The following TBCD variants were observed in gnomAD, a reference collection of about 807,000 sequenced individuals.
The protein encoded by TBCD is tubulin folding cofactor D.
In TBCD, 105 loss-of-function variants were observed where a neutral mutation model predicts 169.3. The ratio of observed to expected loss-of-function variants is 0.62; its 90% CI spans 0.53 to 0.73. The LOEUF is 0.73. Ranked by LOEUF, TBCD falls within the 30% of genes least tolerant of loss-of-function variation. The pLI is 0.00. For missense variants in TBCD, 1,444 were observed against 1,600.1 expected, an observed-to-expected ratio of 0.90 and a Z score of 1.66; for synonymous variants, 700 against 643.9, an observed-to-expected ratio of 1.09 and a Z score of -1.32.
At position 82,847,356 on chromosome 17, in the gene TBCD, GAAAAAAAAAA is replaced by G. The variant is rs1041994030; in HGVS notation, c.1319-22854_1319-22845del. 6.6e-3 allele frequency among the ~76,000 whole-genome samples: 542 copies of G among 81,756 alleles called. 2 individuals are homozygous for G. The highest frequency in any genetic ancestry group is 0.013 in the Admixed American group (94 of 7,246). The allele number at this position is 81,756 out of a possible 152,430, so 53.6% of individuals were successfully genotyped here. A position where few individuals can be genotyped will look rare whatever the true frequency, so the allele number is the denominator to read the frequency against. On this transcript the variant is annotated intron_variant, in intron 13 of 38. Transcript: ENST00000355528. ...CAACAGAGCGAGACTCCATGTCAAA[GAAAAAAAAAA>G]AAAAAAAAAAAAAGAAACAACCCTG... is the stretch of plus-strand genomic sequence containing the variant.
chr17:82,787,950 A>G (rs1482258299), intron 7 of TBCD, among the ~76,000 whole-genome samples: 4 of 152,192 alleles, frequency 2.6e-5, no homozygotes, highest in African/African-American at 9.7e-5. Context: ...TAAAAATGGA[A>G]AATGGGCTGG....
intron 13 of TBCD, among the ~76,000 whole-genome samples, chr17:82,852,394 A>T (rs772883182): frequency 6.6e-6 from 1 of 152,036 alleles, no homozygotes; most frequent in Non-Finnish European, 1.5e-5. Flanking sequence ...GTCACCACAG[A>T]TGGGGGCTCA....
chr17:82,934,890 G>C (rs140106554), intron 34 of TBCD, among the ~76,000 whole-genome samples: 4 of 152,120 alleles, frequency 2.6e-5, no homozygotes, highest in Non-Finnish European at 5.9e-5. Context: ...CTTGAGCTCC[G>C]GAGTTTGAGA....
In TBCD at chr17:82,943,666, G is replaced by T. The variant is rs892033993; in HGVS notation, c.*1203G>T. The T allele has an allele frequency of 2.6e-5, 4 of 152,234 alleles. No homozygotes were observed. The highest frequency in any genetic ancestry group is 9.7e-5 in the African/African-American group (4 of 41,434). 9.4% of individuals were successfully genotyped at this position (152,234 alleles called of 1,614,324 possible). On this transcript the variant is annotated 3_prime_UTR_variant, in exon 39 of 39. Coordinates refer to ENST00000355528, the MANE Select transcript of TBCD (RefSeq NM_005993.5). Reference sequence around the variant, plus strand: ...GACAGTCCGTGCTGTGTGTTTAGCAGACAGCTCTTCACGGGATGTGTGTGA... The same window carrying T: ...GACAGTCCGTGCTGTGTGTTTAGCATACAGCTCTTCACGGGATGTGTGTGA...
chr17:82,900,061 A>G (rs978395134), intron 17 of TBCD, among the ~76,000 whole-genome samples: 4 of 152,216 alleles, frequency 2.6e-5, no homozygotes, highest in Non-Finnish European at 5.9e-5. Flanking sequence ...TTAGCTGTAT[A>G]TGGAGTGCAG....
intron 13 of TBCD, among the ~76,000 whole-genome samples, chr17:82,868,638 A>G (rs1404159142): frequency 6.6e-6 from 1 of 152,248 alleles, no homozygotes; most frequent in African/African-American, 2.4e-5. Flanking sequence ...ATTGCTGTTT[A>G]TAGAGAATAA....
In TBCD at chr17:82,832,802, C is replaced by CTACCCTTGG. The variant is rs1477986673; in HGVS notation, c.1318+17871_1318+17879dup. On this transcript the variant is annotated intron_variant, in intron 13 of 38. Coordinates refer to ENST00000355528, the MANE Select transcript of TBCD (RefSeq NM_005993.5). This position sits in a 1 kb window ranked among gnomAD's most constrained non-coding sequence, Gnocchi z 4.9. ...TGCCGGTCACAGAAGCAGCCCTGCC[C>CTACCCTTGG]TACCCTTGGTAACCTGGCTGCTGAC... is the stretch of plus-strand genomic sequence containing the variant. Among the ~76,000 whole-genome samples, 4 of 152,348 alleles carry CTACCCTTGG rather than the reference C, an allele frequency of 2.6e-5. No homozygotes were observed. The highest frequency in any genetic ancestry group is 9.6e-5 in the African/African-American group (4 of 41,588).
intron 17 of TBCD, among the ~76,000 whole-genome samples, chr17:82,898,243 C>T (rs1246152874): frequency 2.1e-5 from 1 of 47,454 alleles, no homozygotes; most frequent in Non-Finnish European, 4.2e-5. Context: ...GCACACGGCA[C>T]GGCTCTGGGT....
At chr17:82,911,040 G>A (rs1189718241) in intron 22 of TBCD, among the ~76,000 whole-genome samples, 1 of 152,182 alleles carries the variant, frequency 6.6e-6, no homozygotes, top group Non-Finnish European at 1.5e-5. Context: ...AGGGCGGGTG[G>A]CCCTGTTTGG....
Position 82,923,620 on chromosome 17 carries a change from G to C in TBCD, c.2179-32G>C, listed in dbSNP as rs2061548405. 6.5e-7 allele frequency: 1 copy of C among 1,538,902 alleles called. No homozygotes were observed. Among genetic ancestry groups the C allele is most frequent in the African/African-American group, 1.4e-5 (1 of 72,904 alleles). On this transcript the variant is annotated intron_variant, in intron 25 of 38. Coordinates refer to ENST00000355528, the MANE Select transcript of TBCD (RefSeq NM_005993.5). The surrounding 1 kb of genome is among the most constrained non-coding windows in gnomAD (Gnocchi z 4.6). ...GCCGGGGGCTTCTCCGAGCAGAGCT[G>C]CTGTGCGCTCACCGTGCTGCCTTTG...
chr17:82,876,954 C>G, intron 14 of TBCD: 1 of 985,408 alleles, frequency 1.0e-6, no homozygotes, highest in Middle Eastern at 5.2e-4. Context: ...GTGGACTGAA[C>G]AACAGTAACC....
intron 2 of TBCD, among the ~76,000 whole-genome samples, chr17:82,761,020 C>T (rs1312424920): frequency 1.3e-5 from 2 of 151,384 alleles, no homozygotes; most frequent in Non-Finnish European, 2.9e-5. Context: ...AGTGTAATGG[C>T]GTGATCTTGG....
At chr17:82,778,197 C>T (rs1454071625) in intron 6 of TBCD, among the ~76,000 whole-genome samples, 3 of 152,086 alleles carry the variant, frequency 2.0e-5, no homozygotes, top group Admixed American at 2.0e-4. Flanking sequence ...TCTGGTATAA[C>T]TATTCTTGTT....
At chr17:82,826,871 G>GCTCAGGCCATCCTCCCGC (rs1234156395) in intron 13 of TBCD, among the ~76,000 whole-genome samples, 1 of 152,126 alleles carries the variant, frequency 6.6e-6, no homozygotes. Flanking sequence ...TGCCTCCCAG[G>GCTCAGGCCATCCTCCCGC]CTCAGGCCAT....
intron 17 of TBCD, 42 bp from the exon 18 acceptor site, chr17:82,900,609 G>C (rs190718560): frequency 6.5e-7 from 1 of 1,544,312 alleles, no homozygotes; most frequent in Non-Finnish European, 8.9e-7. Flanking sequence ...GTGAGTTCTC[G>C]TTCTTCCGCG....
chr17:82,935,798 C>T (rs2062573075), intron 34 of TBCD, among the ~76,000 whole-genome samples: 1 of 152,304 alleles, frequency 6.6e-6, no homozygotes, highest in African/African-American at 2.4e-5. Context: ...GAATTTTCCA[C>T]GTTTTTACTT....
Position 82,889,239 on chromosome 17 carries a change from C to T in TBCD, c.1534-429C>T, listed in dbSNP as rs1016560416. Among the ~76,000 whole-genome samples the T allele has an allele frequency of 6.6e-6, 1 of 152,146 alleles. No individual in the cohort carries two copies. ...CTCGGCCTGGAGAGCCTATTGACACCGTGCCATGGGTGCGGGCAGGGCGCC... is the reference window on the plus strand; with the variant it reads ...CTCGGCCTGGAGAGCCTATTGACACTGTGCCATGGGTGCGGGCAGGGCGCC... On this transcript the variant is annotated intron_variant, in intron 15 of 38. Coordinates refer to ENST00000355528, the MANE Select transcript of TBCD (RefSeq NM_005993.5). This position sits in a 1 kb window ranked among gnomAD's most constrained non-coding sequence, Gnocchi z 5.3.
intron 18 of TBCD, among the ~76,000 whole-genome samples, chr17:82,901,890 G>A (rs1194457560): frequency 6.6e-6 from 1 of 152,206 alleles, no homozygotes. Context: ...CGAACCTAGG[G>A]AAAATTAATT....
chr17:82,882,183 T>C (rs2058404019), intron 14 of TBCD, among the ~76,000 whole-genome samples: 1 of 152,224 alleles, frequency 6.6e-6, no homozygotes, highest in African/African-American at 2.4e-5. Flanking sequence ...GGGCCAGCTG[T>C]CCTGCTCCTC....
Sources: gnomAD v4.1 joint callset for allele counts (sites outside exome capture counted in the v4.1 genomes callset) on GRCh38, gnomAD v4.1.1 for gene constraint, Gnocchi (gnomAD v3.1) non-coding constraint, MANE v1.5 for transcripts, NCBI Gene and HGNC (gene_info 2026-07-23, HGNC 2026-07-21) for gene names.